ASIC2: variants seen among roughly 807,000 people sequenced by gnomAD.
ASIC2 encodes acid sensing ion channel subunit 2.
Under a neutral mutation model 57.3 loss-of-function variants are expected in ASIC2, and 25 were observed. The ratio of observed to expected loss-of-function variants is 0.44; its 90% CI spans 0.32 to 0.61. The LOEUF (loss-of-function observed/expected upper bound fraction) is 0.61, where lower values mean the gene tolerates loss of function less well. Among genes scored for constraint, ASIC2 ranks in the 20% least tolerant of loss-of-function variants. ASIC2 has a pLI of 0.06. For missense variants in ASIC2, 641 were observed against 738.1 expected (o/e 0.87, Z 1.52); for synonymous variants, 319 against 307.5 (o/e 1.04, Z -0.39).
In ASIC2 at chr17:33,953,694, G is replaced by A. The variant is rs532519253; in HGVS notation, c.555+202284C>T. Among the ~76,000 whole-genome samples, 76 of 152,324 alleles carry A rather than the reference G, an allele frequency of 5.0e-4. 1 individual carries two copies. Among genetic ancestry groups the A allele is most frequent in the African/African-American group, 1.8e-3 (76 of 41,576 alleles). ...AATTTCAACAACAAGGTGGCAATGT[G>A]CAGAACCTTCAAGCAGGGTTGAACA... On this transcript the variant is annotated intron_variant, in intron 1 of 9. Transcript: ENST00000359872.
intron 1 of ASIC2, among the ~76,000 whole-genome samples, chr17:33,443,406 ATTTTTTTTT>A (rs779597047): frequency 4.0e-5 from 3 of 75,232 alleles, no homozygotes; most frequent in African/African-American, 1.7e-4. Flanking sequence ...GGAGGGTAAG[ATTTTTTTTT>A]TTTTTTTTTT....
Position 33,088,882 on chromosome 17 carries a change from A to G in ASIC2, c.968T>C (p.Val323Ala). 2.5e-6 allele frequency: 4 copies of G among 1,613,580 alleles called. No homozygotes were observed. The highest frequency in any genetic ancestry group is 3.4e-6 in the Non-Finnish European group (4 of 1,179,774). ...ACTTACCCTCTGCTCCTGTGTGGCC[A>G]CAAAGGTCTGGAACCCTGGAGCCAC... ...FGVAPGFQTF[V>A]ATQEQRLTYL... is the part of the protein sequence containing the mutation. Residue 323 changes from valine to alanine, a missense_variant, in exon 3 of 10, where the codon GTG (valine) becomes GCG (alanine). By Grantham distance (64) the Val-to-Ala change is moderately conservative. Around this residue, in one of 3 missense-constraint regions of ASIC2, gnomAD observed 252 missense variants for 319.8 expected, o/e 0.79. Coordinates refer to ENST00000225823, the MANE Select transcript of ASIC2 (RefSeq NM_183377.2).
At chr17:34,033,445 A>G (rs1011031606) in intron 1 of ASIC2, among the ~76,000 whole-genome samples, 1 of 152,212 alleles carries the variant, frequency 6.6e-6, no homozygotes, top group African/African-American at 2.4e-5. Context: ...TAACACCACA[A>G]TTAAAAGAAT....
intron 1 of ASIC2, among the ~76,000 whole-genome samples, chr17:33,508,641 G>A (rs1316499202): frequency 6.6e-6 from 1 of 152,148 alleles, no homozygotes; most frequent in African/African-American, 2.4e-5. Context: ...AGTCAGGTGG[G>A]GTACACAGCA....
intron 1 of ASIC2, among the ~76,000 whole-genome samples, chr17:33,803,921 G>A (rs1912202620): frequency 6.6e-6 from 1 of 152,132 alleles, no homozygotes; most frequent in Non-Finnish European, 1.5e-5. Context: ...TAGCTCAATT[G>A]TGTGATTTCC....
intron 1 of ASIC2, among the ~76,000 whole-genome samples, chr17:33,522,620 T>TC (rs766850002): frequency 6.6e-6 from 1 of 152,064 alleles, no homozygotes; most frequent in Admixed American, 6.5e-5. Flanking sequence ...CAGTAAAGAG[T>TC]CCCTCACAGG....
intron 1 of ASIC2, among the ~76,000 whole-genome samples, chr17:33,943,150 T>C (rs1288029709): frequency 6.6e-6 from 1 of 152,214 alleles, no homozygotes; most frequent in Non-Finnish European, 1.5e-5. Context: ...AACTTCTGAA[T>C]TCTGGACGAG....
At chr17:33,082,699 C>T (rs1254324681) in intron 3 of ASIC2, among the ~76,000 whole-genome samples, 1 of 96,662 alleles carries the variant, frequency 1.0e-5, no homozygotes, top group Non-Finnish European at 2.2e-5. Context: ...ACTCTGTCTC[C>T]AAAAATAAAT....
At chr17:33,669,611 C>G (rs936521113) in intron 1 of ASIC2, among the ~76,000 whole-genome samples, 1 of 152,168 alleles carries the variant, frequency 6.6e-6, no homozygotes, top group African/African-American at 2.4e-5. Context: ...CTTGTGTTAA[C>G]CCCCTGCCCC....
chr17:33,313,585 G>T (rs1432156913), intron 1 of ASIC2, among the ~76,000 whole-genome samples: 2 of 152,068 alleles, frequency 1.3e-5, no homozygotes. Context: ...AAATCCCTGT[G>T]CTTTCTCCAC....
chr17:33,749,414 G>C lies in ASIC2; in HGVS notation c.555+406564C>G, dbSNP rs138450622. On this transcript the variant is annotated intron_variant, in intron 1 of 9. Coordinates refer to the ASIC2 transcript ENST00000359872. ...CTAAGAGTGCAGGTGGGGGCTCCTCGGACCGTGTGGGAGGGGCGCTTTCAC... is the reference window on the plus strand; with the variant it reads ...CTAAGAGTGCAGGTGGGGGCTCCTCCGACCGTGTGGGAGGGGCGCTTTCAC... Among the ~76,000 whole-genome samples the C allele has an allele frequency of 3.8e-3, 573 of 152,006 alleles. 15 individuals carry two copies. The highest frequency in any genetic ancestry group is 6.8e-3 in the East Asian group (35 of 5,150).
intron 1 of ASIC2, among the ~76,000 whole-genome samples, chr17:33,540,419 C>T (rs969215837): frequency 2.0e-5 from 3 of 152,026 alleles, no homozygotes; most frequent in Admixed American, 6.5e-5. Flanking sequence ...TGGAGGGGGG[C>T]ACAATTCAAC....
At chr17:34,148,310 T>G (rs1904372672) in intron 1 of ASIC2, among the ~76,000 whole-genome samples, 2 of 152,280 alleles carry the variant, frequency 1.3e-5, no homozygotes, top group African/African-American at 4.8e-5. Context: ...TACCCCTTCA[T>G]CACATCAGAA....
chr17:33,522,879 G>C (rs1914784064), intron 1 of ASIC2, among the ~76,000 whole-genome samples: 1 of 152,124 alleles, frequency 6.6e-6, no homozygotes, highest in Non-Finnish European at 1.5e-5. Context: ...GCTCTGCACC[G>C]TGCAGTCCTG....
At chr17:33,998,123 G>A (rs1208181267) in intron 1 of ASIC2, among the ~76,000 whole-genome samples, 1 of 151,870 alleles carries the variant, frequency 6.6e-6, no homozygotes, top group South Asian at 2.1e-4. Context: ...TTTGGTAGAT[G>A]GTATGTTCCC....
At chr17:33,376,371 T>TA in intron 1 of ASIC2, among the ~76,000 whole-genome samples, 1 of 151,944 alleles carries the variant, frequency 6.6e-6, no homozygotes, top group East Asian at 1.9e-4. Context: ...TCTTTTTTTT[T>TA]ATTATACTTT....
At chr17:33,896,547 G>T (rs1024931297) in intron 1 of ASIC2, among the ~76,000 whole-genome samples, 1 of 152,202 alleles carries the variant, frequency 6.6e-6, no homozygotes, top group Non-Finnish European at 1.5e-5. Context: ...GGGTCTGTTC[G>T]CTTGGCCTGC....
intron 1 of ASIC2, among the ~76,000 whole-genome samples, chr17:33,681,196 G>T (rs1212419388): frequency 6.6e-6 from 1 of 152,190 alleles, no homozygotes; most frequent in Non-Finnish European, 1.5e-5. Context: ...CTGGCCCAGG[G>T]GAGCATCTGG....
At chr17:33,547,746 ATGCTACACC>A (rs1875379581) in intron 1 of ASIC2, among the ~76,000 whole-genome samples, 1 of 152,300 alleles carries the variant, frequency 6.6e-6, no homozygotes, top group South Asian at 2.1e-4. Flanking sequence ...GCTTCTGCCC[ATGCTACACC>A]TGCATCTGAG....
Sources: gnomAD v4.1 joint callset for allele counts (sites outside exome capture counted in the v4.1 genomes callset) on GRCh38, gnomAD v4.1.1 for gene constraint, gnomAD v4.1.1 regional missense constraint, MANE v1.5 for transcripts, NCBI Gene and HGNC (gene_info 2026-07-23, HGNC 2026-07-21) for gene names.